The following SARNP variants were observed in gnomAD, a reference collection of about 807,000 sequenced individuals.
SARNP encodes the protein SAP domain containing ribonucleoprotein, also known as SAP domain-containing ribonucleoprotein.
In SARNP, 5 loss-of-function variants were observed where a neutral mutation model predicts 38.1. The ratio of observed to expected loss-of-function variants is 0.13; its 90% CI spans 0.07 to 0.28. SARNP has a LOEUF of 0.28. SARNP is among the 10% of genes least tolerant of loss of function. The pLI is 1.00. For synonymous variants in SARNP, 84 were observed against 80.6 expected, an observed-to-expected ratio of 1.04 and a Z score of -0.23; for missense variants, 180 against 243.9, an observed-to-expected ratio of 0.74 and a Z score of 1.75.
rs1478523406 is a variant in SARNP at position 55,795,459 on chromosome 12, CAAG to C, written c.303+563_303+565del. On this transcript the variant is annotated intron_variant, in intron 5 of 10. Transcript: ENST00000336133. ...GTAAAACCTACATTATGCATGAAGC[CAAG>C]AAGTCAAAAGCTATGTTTGGCTGAC... 3.3e-5 allele frequency among the ~76,000 whole-genome samples: 5 copies of C among 152,100 alleles called. No homozygotes were observed. In the Middle Eastern group the frequency reaches 0.017, roughly 517 times the overall value.
intron 2 of SARNP, among the ~76,000 whole-genome samples, chr12:55,802,702 T>G (rs1206323468): frequency 1.3e-5 from 2 of 151,500 alleles, no homozygotes; most frequent in East Asian, 3.9e-4. Flanking sequence ...ATTTCAAATA[T>G]ATAACACTCA....
intron 9 of SARNP, among the ~76,000 whole-genome samples, chr12:55,761,207 A>T (rs1878665796): frequency 6.6e-6 from 1 of 151,388 alleles, no homozygotes; most frequent in Non-Finnish European, 1.5e-5. Context: ...AATAAACAGT[A>T]AGAAACACCC....
At chr12:55,799,570 T>TTTTTTC (rs1156851900) in intron 4 of SARNP, among the ~76,000 whole-genome samples, 3 of 145,126 alleles carry the variant, frequency 2.1e-5, no homozygotes, top group African/African-American at 7.6e-5. Context: ...TTTTTTTTTT[T>TTTTTTC]TTTTTCCCGA....
chr12:55,807,677 G>A (rs1024315294), intron 1 of SARNP, among the ~76,000 whole-genome samples: 12 of 151,538 alleles, frequency 7.9e-5, no homozygotes, highest in Middle Eastern at 6.8e-3. Context: ...AGCCGGGCGC[G>A]GTGGCGGGCG....
At chr12:55,792,536 T>C (rs1274223448) in intron 7 of SARNP, 1 of 21,838 alleles carries the variant, frequency 4.6e-5, no homozygotes, top group African/African-American at 5.4e-5. Flanking sequence ...CACACCCAGC[T>C]TTTTTTTTTT....
At chr12:55,771,094 C>A (rs1468452857) in intron 9 of SARNP, among the ~76,000 whole-genome samples, 1 of 152,044 alleles carries the variant, frequency 6.6e-6, no homozygotes, top group African/African-American at 2.4e-5. Flanking sequence ...CATGCCACCA[C>A]GCCTGGCTGT....
chr12:55,767,643 C>T (rs1008576879), intron 9 of SARNP, among the ~76,000 whole-genome samples: 3 of 151,608 alleles, frequency 2.0e-5, no homozygotes, highest in Admixed American at 6.6e-5. Context: ...GTCAGGAGAT[C>T]GAGACCATCC....
chr12:55,794,896 C>A lies in SARNP; in HGVS notation c.304-16G>T, dbSNP rs757246709. ...TCTGCATTCTCTAAGTAAAAATAGACAAAAGGGAGAAAAAAAAGTCAATTT... is the reference window on the plus strand; with the variant it reads ...TCTGCATTCTCTAAGTAAAAATAGAAAAAAGGGAGAAAAAAAAGTCAATTT... On this transcript the variant is annotated splice_polypyrimidine_tract_variant and intron_variant, in intron 5 of 10. Transcript: ENST00000336133. 9 of 1,156,874 alleles carry A rather than the reference C, an allele frequency of 7.8e-6. No individual in the cohort carries two copies. In the Admixed American group the frequency reaches 1.1e-4, roughly 14 times the overall value. 71.7% of individuals were successfully genotyped at this position (1,156,874 alleles called of 1,614,324 possible). A position where few individuals can be genotyped will look rare whatever the true frequency, so the allele number is the denominator to read the frequency against.
chr12:55,789,164 G>A (rs758874516), intron 8 of SARNP, 21 bp from the exon 9 acceptor site: 8 of 1,530,364 alleles, frequency 5.2e-6, no homozygotes, highest in Non-Finnish European at 6.2e-6. Context: ...ATAGGGGAAA[G>A]AACATAGTTT....
At chr12:55,803,541 T>C (rs1212272037) in intron 2 of SARNP, 88 bp downstream of exon 2, 2 of 758,932 alleles carry the variant, frequency 2.6e-6, no homozygotes, top group Non-Finnish European at 4.3e-6. Context: ...ACATTGCTAA[T>C]GACCTGAAAA....
At chr12:55,774,049 G>T (rs544567044) in intron 9 of SARNP, among the ~76,000 whole-genome samples, 1 of 152,000 alleles carries the variant, frequency 6.6e-6, no homozygotes, top group East Asian at 1.9e-4. Flanking sequence ...CTGTCACCCA[G>T]GCTGGAGTGC....
chr12:55,766,810 G>A (rs1031388168), intron 9 of SARNP, among the ~76,000 whole-genome samples: 19 of 152,052 alleles, frequency 1.2e-4, no homozygotes, highest in African/African-American at 4.6e-4. Flanking sequence ...TTTGTAGAGA[G>A]AGGGTTTCAC....
chr12:55,806,994 T>C (rs1230530859), intron 1 of SARNP, among the ~76,000 whole-genome samples: 1 of 152,150 alleles, frequency 6.6e-6, no homozygotes, highest in East Asian at 1.9e-4. Flanking sequence ...GGTCTCGCCA[T>C]GTTGCCCGGG....
intron 4 of SARNP, among the ~76,000 whole-genome samples, chr12:55,800,225 T>C (rs1334532735): frequency 6.6e-6 from 1 of 152,114 alleles, no homozygotes; most frequent in Non-Finnish European, 1.5e-5. Flanking sequence ...TACACAGTTT[T>C]ACACTGCATA....
chr12:55,801,021 T>C, intron 2 of SARNP, 121 bp from the exon 3 acceptor site: 1 of 770,474 alleles, frequency 1.3e-6, no homozygotes, highest in Non-Finnish European at 2.3e-6. Flanking sequence ...AGGCAGAAAC[T>C]GATGCACATA....
At chr12:55,768,702 A>G (rs939342544) in intron 9 of SARNP, among the ~76,000 whole-genome samples, 18 of 152,018 alleles carry the variant, frequency 1.2e-4, no homozygotes, top group Non-Finnish European at 2.1e-4. Context: ...TGCTAGGATT[A>G]CAGGCGTGAG....
intron 2 of SARNP, among the ~76,000 whole-genome samples, chr12:55,802,627 A>G: frequency 6.6e-6 from 1 of 151,858 alleles, no homozygotes. Context: ...ATATCTCATT[A>G]TATATATACA....
downstream of SARNP, chr12:55,754,104 G>A (rs1429963264): frequency 6.6e-6 from 1 of 152,180 alleles, no homozygotes. Flanking sequence ...CCCCACTCGA[G>A]ACCAACTACA....
In SARNP at chr12:55,794,157, C is replaced by G. The variant is rs1324984689; in HGVS notation, c.406+202G>C. 5.3e-6 allele frequency: 3 copies of G among 563,652 alleles called. No individual in the cohort carries two copies. In the Admixed American group the frequency reaches 1.1e-4, roughly 20 times the overall value. 34.9% of individuals were successfully genotyped at this position (563,652 alleles called of 1,614,324 possible). A position where few individuals can be genotyped will look rare whatever the true frequency, so the allele number is the denominator to read the frequency against. On this transcript the variant is annotated intron_variant, in intron 7 of 10. Coordinates refer to ENST00000336133, the MANE Select transcript of SARNP (RefSeq NM_033082.4). ...ACAGACAAATGTTGGCACTTCCTAT[C>G]CTCTCATAACATTCAGTATCTCTCT...
Sources: allele counts gnomAD v4.1 joint callset (sites outside exome capture counted in the v4.1 genomes callset), GRCh38; gene constraint gnomAD v4.1.1; transcripts MANE v1.5; gene names NCBI Gene and HGNC (gene_info 2026-07-23, HGNC 2026-07-21).